Variants in TENM4 observed in about 807,000 individuals in gnomAD.
TENM4 encodes teneurin transmembrane protein 4.
TENM4 carries 82 observed loss-of-function variants against 243.3 expected under a neutral mutation model. That is an observed-to-expected ratio of 0.34 (90% CI 0.28 to 0.40). The LOEUF (loss-of-function observed/expected upper bound fraction) is 0.40. Among genes scored for constraint, TENM4 ranks in the 10% least tolerant of loss-of-function variants. The pLI is 1.00. For missense variants in TENM4, 3,138 were observed against 3,673.3 expected (o/e 0.85, Z 3.77); for synonymous variants, 1,412 against 1,456.3 (o/e 0.97, Z 0.69).
intron 10 of TENM4, among the ~76,000 whole-genome samples, chr11:78,857,540 T>A (rs1041185372): frequency 1.3e-5 from 2 of 152,222 alleles, no homozygotes; most frequent in African/African-American, 4.8e-5. Context: ...CACTCCCTTA[T>A]AAACTCCTAG....
At chr11:78,994,086 ACT>A (rs1858111403) in intron 6 of TENM4, among the ~76,000 whole-genome samples, 1 of 151,984 alleles carries the variant, frequency 6.6e-6, no homozygotes, top group African/African-American at 2.4e-5. Context: ...AGTAGCCTTG[ACT>A]CTATAACTAG....
rs1405505567 is a variant in TENM4 at position 78,711,423 on chromosome 11, G to T, written c.4054+1059C>A. The stretch of plus-strand genomic sequence containing the variant: ...GAGGCTCAGAGAACTTCAATGATTT[G>T]CCCAAAGTCACTCAGCTGTAGATGA... On this transcript the variant is annotated intron_variant, in intron 26 of 33. Coordinates refer to ENST00000278550, the MANE Select transcript of TENM4 (RefSeq NM_001098816.3). 3.9e-5 allele frequency among the ~76,000 whole-genome samples: 6 copies of T among 152,128 alleles called. No homozygotes were observed. In the South Asian group the frequency reaches 1.2e-3, roughly 32 times the overall value.
chr11:79,217,952 G>A (rs545182991), intron 2 of TENM4, among the ~76,000 whole-genome samples: 148 of 152,266 alleles, frequency 9.7e-4, no homozygotes, highest in South Asian at 2.5e-3. Context: ...CTGACTTCAG[G>A]TGATCCACCT....
intron 4 of TENM4, among the ~76,000 whole-genome samples, chr11:79,140,317 C>T (rs924688542): frequency 9.2e-5 from 14 of 152,108 alleles, no homozygotes; most frequent in African/African-American, 3.1e-4. Context: ...TCCCTCCGGG[C>T]TCCCTACCCC....
intron 7 of TENM4, among the ~76,000 whole-genome samples, chr11:78,900,939 C>T (rs780560416): frequency 4.3e-4 from 66 of 152,090 alleles, no homozygotes; most frequent in Non-Finnish European, 6.8e-4. Flanking sequence ...GCACCTTTTC[C>T]GGCTTTAGGT....
At chr11:78,838,426 A>C (rs1053254657) in intron 12 of TENM4, among the ~76,000 whole-genome samples, 1 of 152,184 alleles carries the variant, frequency 6.6e-6, no homozygotes, top group African/African-American at 2.4e-5. Context: ...AACATTTCTC[A>C]ATCTTTTTCT....
At chr11:79,303,928 G>A (rs149689851) in intron 1 of TENM4, among the ~76,000 whole-genome samples, 9 of 152,300 alleles carry the variant, frequency 5.9e-5, no homozygotes, top group Non-Finnish European at 1.3e-4. Flanking sequence ...CCAGTTCCAG[G>A]CAGGAACCAA....
At chr11:79,367,859 CT>C (rs1857706362) in intron 1 of TENM4, among the ~76,000 whole-genome samples, 1 of 152,180 alleles carries the variant, frequency 6.6e-6, no homozygotes, top group Non-Finnish European at 1.5e-5. Context: ...ATTGATCTTT[CT>C]TTTGGCAGGG....
At chr11:79,195,300 C>T (rs1208442105) in intron 3 of TENM4, among the ~76,000 whole-genome samples, 3 of 152,198 alleles carry the variant, frequency 2.0e-5, no homozygotes, top group Non-Finnish European at 2.9e-5. Flanking sequence ...TACTGGGGTA[C>T]TGCCTACTAC....
intron 18 of TENM4, among the ~76,000 whole-genome samples, chr11:78,761,260 G>A (rs1360367735): frequency 6.6e-6 from 1 of 150,450 alleles, no homozygotes; most frequent in East Asian, 1.9e-4. Context: ...TTTTTTTTGA[G>A]ACGTTGTCTC....
chr11:79,206,749 T>TTTGA (rs1478144478), intron 3 of TENM4, among the ~76,000 whole-genome samples: 4 of 152,168 alleles, frequency 2.6e-5, no homozygotes, highest in African/African-American at 9.7e-5. Flanking sequence ...CGGCCATGAT[T>TTTGA]CTGAGGCCTC....
At chr11:79,387,365 G>A (rs1264232828) in intron 1 of TENM4, among the ~76,000 whole-genome samples, 1 of 152,162 alleles carries the variant, frequency 6.6e-6, no homozygotes, top group Non-Finnish European at 1.5e-5. Context: ...ATACACTTAG[G>A]AGTTGGGCAG....
rs972088346 is a variant in TENM4 at position 79,341,170 on chromosome 11, C to T, written c.-320-43627G>A. On this transcript the variant is annotated intron_variant, in intron 1 of 33. Transcript: ENST00000278550. ...AGCCCTGCCAACGCCTTTACCCCAG[C>T]GAGACTGAGGTTGAATTTCCGATCT... is the stretch of plus-strand genomic sequence containing the variant. Among the ~76,000 whole-genome samples, 5 of 152,070 alleles carry T rather than the reference C, an allele frequency of 3.3e-5. No homozygotes were observed. The South Asian group carries it at 8.3e-4, about 25-fold the overall frequency.
intron 1 of TENM4, among the ~76,000 whole-genome samples, chr11:79,325,727 T>C (rs1256660123): frequency 6.6e-6 from 1 of 152,190 alleles, no homozygotes; most frequent in Admixed American, 6.5e-5. Flanking sequence ...CAGAGGTTAT[T>C]GTGATCATTT....
chr11:79,004,215 C>T (rs546190891), intron 6 of TENM4, among the ~76,000 whole-genome samples: 15 of 152,168 alleles, frequency 9.9e-5, no homozygotes, highest in South Asian at 6.2e-4. Flanking sequence ...GTCCCACTGA[C>T]GGTAGGAGAT....
intron 2 of TENM4, among the ~76,000 whole-genome samples, chr11:79,236,622 G>A (rs1864479187): frequency 6.6e-6 from 1 of 152,104 alleles, no homozygotes; most frequent in Non-Finnish European, 1.5e-5. Context: ...TTGGCTCACT[G>A]GACTCTCATT....
chr11:78,755,186 A>G (rs1433725400), intron 19 of TENM4, among the ~76,000 whole-genome samples: 2 of 151,718 alleles, frequency 1.3e-5, no homozygotes, highest in Non-Finnish European at 2.9e-5. Flanking sequence ...TCTCCCTGAG[A>G]TGGGGTCTTG....
chr11:79,262,936 A>C (rs1031828424), intron 2 of TENM4, among the ~76,000 whole-genome samples: 5 of 152,256 alleles, frequency 3.3e-5, no homozygotes, highest in Admixed American at 2.0e-4. Flanking sequence ...GAATCAGTGC[A>C]TGCTATCTCT....
chr11:78,953,295 C>G (rs1324442964), intron 6 of TENM4, among the ~76,000 whole-genome samples: 1 of 152,124 alleles, frequency 6.6e-6, no homozygotes, highest in Non-Finnish European at 1.5e-5. Context: ...CTGGAAATCA[C>G]CCAGGAGGGG....
Sources: gnomAD v4.1 joint callset for allele counts (sites outside exome capture counted in the v4.1 genomes callset) on GRCh38, gnomAD v4.1.1 for gene constraint, MANE v1.5 for transcripts, NCBI Gene and HGNC (gene_info 2026-07-23, HGNC 2026-07-21) for gene names.